XXYLT1: variants seen among roughly 807,000 people sequenced by gnomAD.
The protein encoded by XXYLT1 is UDP-xylose:alpha-xyloside alpha-1,3-xylosyltransferase.
A neutral mutation model predicts 28.9 loss-of-function variants in XXYLT1; 20 were observed. The ratio of observed to expected loss-of-function variants is 0.69; its 90% CI spans 0.49 to 1.00. The LOEUF (loss-of-function observed/expected upper bound fraction) is 1.00, where lower values mean the gene tolerates loss of function less well. XXYLT1 is among the 50% of genes least tolerant of loss of function. The probability of loss-of-function intolerance (pLI) is 0.00; values close to 1 mark genes in which losing one functional copy is unlikely to be tolerated. For synonymous variants in XXYLT1, 257 were observed against 253.8 expected, an observed-to-expected ratio of 1.01 and a Z score of -0.12; for missense variants, 542 against 560.1, an observed-to-expected ratio of 0.97 and a Z score of 0.33.
chr3:195,197,979 C>T (rs1302820258), intron 2 of XXYLT1, among the ~76,000 whole-genome samples: 5 of 152,330 alleles, frequency 3.3e-5, no homozygotes, highest in Admixed American at 6.5e-5. Flanking sequence ...AGTTCAGCTG[C>T]GCCTGGCTCA....
intron 3 of XXYLT1, among the ~76,000 whole-genome samples, chr3:195,086,910 C>A (rs1008263876): frequency 1.3e-5 from 2 of 152,138 alleles, no homozygotes; most frequent in Non-Finnish European, 1.5e-5. Flanking sequence ...CTGTTCTAAT[C>A]ATGATCAGTG....
At position 195,069,886 on chromosome 3, in the gene XXYLT1, G is replaced by T; in HGVS notation, c.1011C>A (p.Ile337=). 3.1e-6 allele frequency: 5 copies of T among 1,614,104 alleles called. No individual in the cohort carries two copies. Among genetic ancestry groups the T allele is most frequent in the Non-Finnish European group, 4.2e-6 (5 of 1,180,032 alleles). The change falls in exon 4 of 4, where the codon ATC becomes ATA. Residue 337 remains isoleucine (I), a synonymous_variant. Coordinates refer to ENST00000310380, the MANE Select transcript of XXYLT1 (RefSeq NM_152531.5). ...HLGDQDFFTM[I]GMEHPKLFHV... is the part of the protein sequence containing the mutation. ...GGAAGAGCTTGGGGTGCTCCATGCC[G>T]ATCATGGTGAAGAAGTCCTGGTCCC...
intron 1 of XXYLT1, 139 bp from the exon 2 acceptor site, chr3:195,226,995 G>A: frequency 2.0e-6 from 2 of 1,018,070 alleles, no homozygotes; most frequent in South Asian, 1.7e-5. Flanking sequence ...TGGGGCTAGG[G>A]GTAGCAACGG....
At chr3:195,190,963 G>A (rs902101665) in intron 2 of XXYLT1, among the ~76,000 whole-genome samples, 4 of 151,728 alleles carry the variant, frequency 2.6e-5, no homozygotes, top group African/African-American at 9.7e-5. Flanking sequence ...ACAAAAGAAG[G>A]CAATCAAAAA....
chr3:195,144,133 A>G (rs1404970904), intron 3 of XXYLT1, among the ~76,000 whole-genome samples: 2 of 149,528 alleles, frequency 1.3e-5, no homozygotes, highest in Non-Finnish European at 3.0e-5. Context: ...ACCTTAAGTG[A>G]TCCACCTGCC....
At chr3:195,184,763 G>T (rs1722103519) in intron 2 of XXYLT1, 2 of 985,292 alleles carry the variant, frequency 2.0e-6, no homozygotes, top group African/African-American at 3.5e-5. Context: ...ATATTCCAGG[G>T]AACTTAGCAT....
In XXYLT1 at chr3:195,070,507, A is replaced by C. The variant is rs545236716; in HGVS notation, c.786-396T>G. On this transcript the variant is annotated intron_variant, in intron 3 of 3. Transcript: ENST00000310380. ...TTTGCCCAAAGTCACACACCTAGTAAGCAGCAGACGCAGGGACTAAACCCA... is the reference window on the plus strand; with the variant it reads ...TTTGCCCAAAGTCACACACCTAGTACGCAGCAGACGCAGGGACTAAACCCA... Among the ~76,000 whole-genome samples the C allele has an allele frequency of 1.5e-4, 23 of 152,298 alleles. 1 individual carries two copies. In the South Asian group the frequency reaches 4.8e-3, roughly 32 times the overall value.
intron 2 of XXYLT1, among the ~76,000 whole-genome samples, chr3:195,214,433 A>G (rs1723467391): frequency 6.6e-6 from 1 of 151,900 alleles, no homozygotes; most frequent in Admixed American, 6.6e-5. Flanking sequence ...TGTCCATCCT[A>G]AACCAGCCCC....
At chr3:195,096,497 A>G (rs981630835) in intron 3 of XXYLT1, among the ~76,000 whole-genome samples, 1 of 152,198 alleles carries the variant, frequency 6.6e-6, no homozygotes, top group Non-Finnish European at 1.5e-5. Context: ...GCACATGCTG[A>G]CAAACACACA....
chr3:195,239,115 T>C (rs970784568), intron 1 of XXYLT1, among the ~76,000 whole-genome samples: 1 of 152,218 alleles, frequency 6.6e-6, no homozygotes, highest in Non-Finnish European at 1.5e-5. Context: ...CCATGAATAT[T>C]TCATATAATA....
chr3:195,126,559 G>C (rs1718642741), intron 3 of XXYLT1, among the ~76,000 whole-genome samples: 1 of 152,202 alleles, frequency 6.6e-6, no homozygotes, highest in Non-Finnish European at 1.5e-5. Context: ...TCTCAATTCT[G>C]CGACAGTCTC....
At chr3:195,086,248 G>C (rs1013261802) in intron 3 of XXYLT1, among the ~76,000 whole-genome samples, 3 of 152,142 alleles carry the variant, frequency 2.0e-5, no homozygotes, top group Admixed American at 1.3e-4. Flanking sequence ...AAAACAATCT[G>C]TCCTTCTGAC....
chr3:195,100,711 C>T (rs111440454), intron 3 of XXYLT1, among the ~76,000 whole-genome samples: 6 of 152,118 alleles, frequency 3.9e-5, no homozygotes, highest in South Asian at 4.1e-4. Context: ...CTTCTTGTCA[C>T]GAAAACCCAG....
chr3:195,249,658 C>A (rs1482565660), intron 1 of XXYLT1, among the ~76,000 whole-genome samples: 7 of 152,212 alleles, frequency 4.6e-5, no homozygotes, highest in Admixed American at 3.3e-4. Context: ...ACACACTCAA[C>A]CTTTCAGGCA....
intron 1 of XXYLT1, among the ~76,000 whole-genome samples, chr3:195,254,579 G>A (rs908063061): frequency 6.6e-6 from 1 of 152,202 alleles, no homozygotes; most frequent in African/African-American, 2.4e-5. Context: ...GGGCATCCAG[G>A]CAACAGGCTC....
chr3:195,178,695 G>A (rs910411912), intron 2 of XXYLT1, among the ~76,000 whole-genome samples: 2 of 152,148 alleles, frequency 1.3e-5, no homozygotes, highest in African/African-American at 2.4e-5. Context: ...CCTGGGCCCC[G>A]TACTTGAGGG....
chr3:195,132,104 T>C (rs1412529690), intron 3 of XXYLT1, among the ~76,000 whole-genome samples: 1 of 152,086 alleles, frequency 6.6e-6, no homozygotes, highest in Non-Finnish European at 1.5e-5. Context: ...AGGACAAGGA[T>C]AGCATGTGAT....
chr3:195,260,539 C>A (rs1451556915), intron 1 of XXYLT1, among the ~76,000 whole-genome samples: 1 of 152,258 alleles, frequency 6.6e-6, no homozygotes, highest in Non-Finnish European at 1.5e-5. Flanking sequence ...ATCCTCCCGT[C>A]CCGGGCGAGG....
At chr3:195,165,209 C>T (rs987224713) in intron 2 of XXYLT1, among the ~76,000 whole-genome samples, 1 of 152,182 alleles carries the variant, frequency 6.6e-6, no homozygotes, top group East Asian at 1.9e-4. Flanking sequence ...TCCTCTCCCC[C>T]AGCAGACTCA....
Sources: gnomAD v4.1 joint callset for allele counts (sites outside exome capture counted in the v4.1 genomes callset) on GRCh38, gnomAD v4.1.1 for gene constraint, MANE v1.5 for transcripts, NCBI Gene and HGNC (gene_info 2026-07-23, HGNC 2026-07-21) for gene names.